NRXN1: variants seen among roughly 807,000 people sequenced by gnomAD.
NRXN1 encodes the protein neurexin 1.
A neutral mutation model predicts 150.9 loss-of-function variants in NRXN1; 39 were observed. The ratio of observed to expected loss-of-function variants is 0.26; its 90% CI spans 0.20 to 0.34. NRXN1 has a LOEUF of 0.34. Among genes scored for constraint, NRXN1 ranks in the 10% least tolerant of loss-of-function variants. The pLI, the probability that NRXN1 is intolerant of heterozygous loss-of-function variation, is 1.00. For synonymous variants in NRXN1, 924 were observed against 757.0 expected (o/e 1.22, Z -3.62); for missense variants, 1,815 against 1,949.9 (o/e 0.93, Z 1.30).
chr2:50,189,408 T>A (rs2061311965), intron 18 of NRXN1, among the ~76,000 whole-genome samples: 1 of 152,018 alleles, frequency 6.6e-6, no homozygotes, highest in Non-Finnish European at 1.5e-5. Context: ...GAAAAATACC[T>A]AATGTAGATG....
intron 17 of NRXN1, among the ~76,000 whole-genome samples, chr2:50,309,174 T>C (rs1430170170): frequency 6.6e-6 from 1 of 152,216 alleles, no homozygotes; most frequent in Non-Finnish European, 1.5e-5. Flanking sequence ...TTTATGCAGA[T>C]GGGTTGGTTA....
intron 21 of NRXN1, among the ~76,000 whole-genome samples, chr2:49,964,838 T>C (rs1676669816): frequency 6.6e-6 from 1 of 151,940 alleles, no homozygotes; most frequent in Non-Finnish European, 1.5e-5. Context: ...CAAAAGTCCA[T>C]CTCAAAAAAT....
chr2:50,625,952 C>A (rs551681711), intron 5 of NRXN1, among the ~76,000 whole-genome samples: 5 of 152,088 alleles, frequency 3.3e-5, no homozygotes, highest in Admixed American at 2.0e-4. Flanking sequence ...CTAGAATTTT[C>A]TCTTTAAGAT....
At chr2:50,173,963 T>C (rs1372690572) in intron 18 of NRXN1, among the ~76,000 whole-genome samples, 2 of 152,106 alleles carry the variant, frequency 1.3e-5, no homozygotes, top group African/African-American at 2.4e-5. Flanking sequence ...GCATATGCAC[T>C]AAGTGTCTTT....
At chr2:50,454,048 C>T (rs942968076) in intron 17 of NRXN1, among the ~76,000 whole-genome samples, 3 of 152,104 alleles carry the variant, frequency 2.0e-5, no homozygotes, top group Non-Finnish European at 2.9e-5. Flanking sequence ...AATATACAGG[C>T]CAGGTGAGGT....
rs929595937 is a variant in NRXN1, at chr2:50,822,619, T to C, written c.832+99250A>G. Among the ~76,000 whole-genome samples, 6 of 152,214 alleles carry C rather than the reference T, an allele frequency of 3.9e-5. No homozygotes were observed. In the East Asian group the frequency reaches 7.7e-4, roughly 20 times the overall value. On this transcript the variant is annotated intron_variant, in intron 5 of 22. Coordinates refer to ENST00000401669, the MANE Select transcript of NRXN1 (RefSeq NM_001330078.2). ...AGGACACACTCCTATTTTATCAAAATGTGAATGCTGAGAAAAAGAGAAGAG... is the reference window on the plus strand; with the variant it reads ...AGGACACACTCCTATTTTATCAAAACGTGAATGCTGAGAAAAAGAGAAGAG...
In NRXN1 at chr2:50,017,115, A is replaced by G. The variant is rs1222532362; in HGVS notation, c.4128+36156T>C. On this transcript the variant is annotated intron_variant, in intron 21 of 22. Coordinates refer to ENST00000401669, the MANE Select transcript of NRXN1 (RefSeq NM_001330078.2). ...ACATCTAATCAGCATTTTATGCACT[A>G]TAATTGTGTAAACTTTTAGGCCTGC... 2.0e-5 allele frequency among the ~76,000 whole-genome samples: 3 copies of G among 152,290 alleles called. No individual in the cohort carries two copies. In the East Asian group the frequency reaches 5.8e-4, roughly 29 times the overall value.
intron 21 of NRXN1, among the ~76,000 whole-genome samples, chr2:49,999,412 A>T (rs2152531547): frequency 6.6e-6 from 1 of 152,230 alleles, no homozygotes; most frequent in Non-Finnish European, 1.5e-5. Flanking sequence ...TTTATAACTT[A>T]TTATTTAGAT....
At chr2:50,224,430 C>T (rs990841583) in intron 18 of NRXN1, among the ~76,000 whole-genome samples, 59 of 151,868 alleles carry the variant, frequency 3.9e-4, no homozygotes, top group Non-Finnish European at 5.2e-4. Flanking sequence ...GTGTGTTCCA[C>T]AGTAAGCAAT....
intron 18 of NRXN1, among the ~76,000 whole-genome samples, chr2:50,192,556 T>C (rs1210191525): frequency 2.6e-5 from 4 of 151,678 alleles, no homozygotes; most frequent in African/African-American, 4.9e-5. Flanking sequence ...TTTTGTAAAA[T>C]GATACCTATA....
chr2:50,080,022 C>G (rs1057453234), intron 19 of NRXN1, among the ~76,000 whole-genome samples: 2 of 151,946 alleles, frequency 1.3e-5, no homozygotes, highest in African/African-American at 4.8e-5. Flanking sequence ...AATTGCATGC[C>G]ATTCTGAGTA....
At chr2:50,211,463 T>C (rs1007020323) in intron 18 of NRXN1, among the ~76,000 whole-genome samples, 7 of 151,592 alleles carry the variant, frequency 4.6e-5, no homozygotes, top group African/African-American at 1.7e-4. Context: ...ATCAACAGAC[T>C]ATTAATTTGA....
chr2:50,761,628 T>C (rs1454843982), intron 5 of NRXN1, among the ~76,000 whole-genome samples: 2 of 151,854 alleles, frequency 1.3e-5, no homozygotes, highest in East Asian at 3.9e-4. Flanking sequence ...TAATATTGAG[T>C]GTCAACTTGA....
At chr2:49,922,300 T>C (rs1469230513) in intron 22 of NRXN1, 49 bp from the exon 23 acceptor site, 2 of 1,527,736 alleles carry the variant, frequency 1.3e-6, no homozygotes. Flanking sequence ...TTGAGTTCAC[T>C]GAATACCAGA....
chr2:50,024,191 C>T (rs1687953336), intron 21 of NRXN1: 1 of 152,148 alleles, frequency 6.6e-6, no homozygotes, highest in East Asian at 1.9e-4. Flanking sequence ...GGTACATATG[C>T]ATATCAGAGG....
chr2:50,411,465 G>A (rs2083166328), intron 17 of NRXN1, among the ~76,000 whole-genome samples: 1 of 152,148 alleles, frequency 6.6e-6, no homozygotes, highest in Admixed American at 6.5e-5. Flanking sequence ...AGGAAGTGAG[G>A]AGCGTCTCTG....
Position 49,921,288 on chromosome 2 carries a change from A to G in NRXN1, c.*656T>C, listed in dbSNP as rs200180730. The stretch of plus-strand genomic sequence containing the variant: ...TTTTGTTTTGAAATTTTGTGTGAAA[A>G]CGTGCCTTATATTTCACATTTTTGA... On this transcript the variant is annotated 3_prime_UTR_variant, in exon 23 of 23. Transcript: ENST00000401669. The G allele has an allele frequency of 2.6e-5, 4 of 152,582 alleles. No individual in the cohort carries two copies. Among genetic ancestry groups the G allele is most frequent in the African/African-American group, 4.8e-5 (2 of 41,440 alleles). 9.5% of individuals were successfully genotyped at this position (152,582 alleles called of 1,614,324 possible). A position where few individuals can be genotyped will look rare whatever the true frequency, so the allele number is the denominator to read the frequency against.
chr2:50,590,037 T>C (rs1673874723), intron 8 of NRXN1, among the ~76,000 whole-genome samples: 3 of 152,214 alleles, frequency 2.0e-5, no homozygotes, highest in African/African-American at 7.2e-5. Flanking sequence ...GGAACACCTG[T>C]CATGTGACAA....
chr2:50,884,208 C>A (rs1679884336), intron 5 of NRXN1, among the ~76,000 whole-genome samples: 1 of 151,712 alleles, frequency 6.6e-6, no homozygotes, highest in South Asian at 2.1e-4. Context: ...AGAAAAATCA[C>A]TGAGACTCCT....
Sources: gnomAD v4.1 joint callset for allele counts (sites outside exome capture counted in the v4.1 genomes callset) on GRCh38, gnomAD v4.1.1 for gene constraint, MANE v1.5 for transcripts, NCBI Gene and HGNC (gene_info 2026-07-23, HGNC 2026-07-21) for gene names.